The following ARK2C variants were observed in gnomAD, a reference collection of about 807,000 sequenced individuals.
ARK2C encodes the protein arkadia (RNF111) C-terminal like ring finger ubiquitin ligase 2C, also known as E3 ubiquitin-protein ligase ARK2C.
chr18:46,445,552 G>C, the ARK2C span, among the ~76,000 whole-genome samples: 1 of 152,158 alleles, frequency 6.6e-6, no homozygotes, highest in African/African-American at 2.4e-5. Context: ...CTTCTATGTA[G>C]CTGCCTCTTC....
chr18:46,347,454 AAG>A, the ARK2C span, among the ~76,000 whole-genome samples: 10 of 149,604 alleles, frequency 6.7e-5, no homozygotes, highest in South Asian at 2.1e-4. Flanking sequence ...CGCCCCTGGA[AAG>A]AGAGTCACGT....
chr18:46,407,447 A>G, the ARK2C span, among the ~76,000 whole-genome samples: 1 of 151,868 alleles, frequency 6.6e-6, no homozygotes, highest in Non-Finnish European at 1.5e-5. Context: ...ATGTGGCTTT[A>G]TTTCTCTCCC....
At chr18:46,385,991 C>T in the ARK2C span, 6 of 152,280 alleles carry the variant, frequency 3.9e-5, no homozygotes, top group East Asian at 1.2e-3. Context: ...CCCAAGAACC[C>T]CTTGTCTCCG....
the ARK2C span, among the ~76,000 whole-genome samples, chr18:46,405,202 G>T: frequency 6.6e-6 from 1 of 152,178 alleles, no homozygotes; most frequent in Non-Finnish European, 1.5e-5. Context: ...GTGACTTGGA[G>T]AGTATCCCAT....
chr18:46,453,983 T>C, the ARK2C span, among the ~76,000 whole-genome samples: 13 of 151,108 alleles, frequency 8.6e-5, no homozygotes, highest in South Asian at 2.1e-4. Flanking sequence ...CATGATGGTG[T>C]GCACCTGTAG....
the ARK2C span, among the ~76,000 whole-genome samples, chr18:46,408,001 T>C: frequency 7.2e-5 from 11 of 152,282 alleles, no homozygotes; most frequent in African/African-American, 2.4e-4. Flanking sequence ...AGCTTTGAAG[T>C]CTGAGTCAGT....
the ARK2C span, among the ~76,000 whole-genome samples, chr18:46,391,856 A>AC: frequency 1.3e-5 from 2 of 151,050 alleles, no homozygotes; most frequent in Non-Finnish European, 2.9e-5. Flanking sequence ...TGCACAATAC[A>AC]CCCCCCATAT....
the ARK2C span, among the ~76,000 whole-genome samples, chr18:46,429,105 G>A: frequency 6.6e-6 from 1 of 152,108 alleles, no homozygotes; most frequent in African/African-American, 2.4e-5. Context: ...TGCAGCCCCC[G>A]GACTCACCAA....
At chr18:46,350,081 C>T in the ARK2C span, among the ~76,000 whole-genome samples, 2 of 152,250 alleles carry the variant, frequency 1.3e-5, no homozygotes, top group Non-Finnish European at 2.9e-5. Context: ...TACACACATG[C>T]ATACCCCATG....
At chr18:46,400,361 C>T in the ARK2C span, among the ~76,000 whole-genome samples, 1 of 152,206 alleles carries the variant, frequency 6.6e-6, no homozygotes, top group Non-Finnish European at 1.5e-5. Context: ...GGATTGGACA[C>T]CTGGCAGGTT....
the ARK2C span, among the ~76,000 whole-genome samples, chr18:46,393,335 T>A: frequency 6.6e-6 from 1 of 152,134 alleles, no homozygotes; most frequent in Non-Finnish European, 1.5e-5. Context: ...TCTCGAGGTG[T>A]GGGGTGCATC....
the ARK2C span, among the ~76,000 whole-genome samples, chr18:46,412,031 T>C: frequency 2.6e-5 from 4 of 152,070 alleles, no homozygotes; most frequent in African/African-American, 4.8e-5. Context: ...GGAGCAGAGG[T>C]ATTCGAGTCA....
chr18:46,403,648 C>T, the ARK2C span, among the ~76,000 whole-genome samples: 18 of 152,136 alleles, frequency 1.2e-4, no homozygotes, highest in Admixed American at 3.9e-4. Context: ...GAGGCCGAGG[C>T]GGGTGGATAA....
the ARK2C span, among the ~76,000 whole-genome samples, chr18:46,351,582 T>A: frequency 6.6e-6 from 1 of 152,210 alleles, no homozygotes; most frequent in Admixed American, 6.5e-5. Flanking sequence ...CCCTTCCTGC[T>A]AAGCAGGACA....
At chr18:46,402,341 T>C in the ARK2C span, among the ~76,000 whole-genome samples, 2 of 152,190 alleles carry the variant, frequency 1.3e-5, no homozygotes, top group Non-Finnish European at 2.9e-5. Flanking sequence ...ATTTTCTCAA[T>C]CCAGCTCCAA....
At chr18:46,421,765 T>C in the ARK2C span, among the ~76,000 whole-genome samples, 1 of 152,154 alleles carries the variant, frequency 6.6e-6, no homozygotes, top group Non-Finnish European at 1.5e-5. Context: ...AATTGTCTCA[T>C]ACCCATGGGC....
At chr18:46,455,941 G>A in the ARK2C span, 4 of 1,401,606 alleles carry the variant, frequency 2.9e-6, no homozygotes, top group Non-Finnish European at 4.0e-6. Context: ...GTCTGCCCCA[G>A]GTAATGAATA....
the ARK2C span, among the ~76,000 whole-genome samples, chr18:46,370,583 C>T: frequency 5.9e-5 from 9 of 152,168 alleles, no homozygotes; most frequent in Non-Finnish European, 1.3e-4. Context: ...AGGTGGCAGT[C>T]ATCGCTATTT....
At chr18:46,431,050 C>A in the ARK2C span, among the ~76,000 whole-genome samples, 1 of 152,098 alleles carries the variant, frequency 6.6e-6, no homozygotes, top group East Asian at 1.9e-4. Flanking sequence ...TCTTGCCCCC[C>A]ACCCCTGGAC....
Sources: allele counts gnomAD v4.1 joint callset (sites outside exome capture counted in the v4.1 genomes callset), GRCh38; gene constraint gnomAD v4.1.1; transcripts MANE v1.5; gene names NCBI Gene and HGNC (gene_info 2026-07-23, HGNC 2026-07-21).